The following MICOS10 variants were observed in gnomAD, a reference collection of about 807,000 sequenced individuals.
The protein encoded by MICOS10 is mitochondrial contact site and cristae organizing system subunit 10.
In MICOS10, 5 loss-of-function variants were observed where a neutral mutation model predicts 13.4. The observed-to-expected ratio is 0.37, with a 90% CI of 0.20 to 0.78. The LOEUF (loss-of-function observed/expected upper bound fraction) is 0.78, where lower values mean the gene tolerates loss of function less well. Ranked by LOEUF, MICOS10 falls within the 30% of genes least tolerant of loss-of-function variation. MICOS10 has a pLI of 0.47. For missense variants in MICOS10, 101 were observed against 94.6 expected, an observed-to-expected ratio of 1.07 and a Z score of -0.28; for synonymous variants, 35 against 33.6, an observed-to-expected ratio of 1.04 and a Z score of -0.15.
intron 1 of MICOS10, chr1:19,597,820 T>TA (rs2094798783): frequency 2.0e-5 from 3 of 152,170 alleles, no homozygotes; most frequent in Non-Finnish European, 1.5e-5. Context: ...TTGTGCGAAA[T>TA]AATCTTTTTA....
At chr1:19,609,181 T>A (rs1403006747) in intron 1 of MICOS10, among the ~76,000 whole-genome samples, 1 of 151,944 alleles carries the variant, frequency 6.6e-6, no homozygotes, top group Admixed American at 6.6e-5. Context: ...AAAATTTTTT[T>A]TTTAATCATA....
intron 1 of MICOS10, among the ~76,000 whole-genome samples, chr1:19,603,499 C>T (rs2094823566): frequency 6.6e-6 from 1 of 152,160 alleles, no homozygotes; most frequent in South Asian, 2.1e-4. Context: ...ATGGATTTGC[C>T]AGAGGACGCT....
At chr1:19,611,172 A>G (rs1737419) in intron 1 of MICOS10, among the ~76,000 whole-genome samples, 16,589 of 151,852 alleles carry the variant, frequency 0.11, 3,072 homozygotes, top group African/African-American at 0.38. Context: ...GGCTGGTCTC[A>G]AACTCCTGAC....
chr1:19,606,822 A>G (rs2094836695), intron 1 of MICOS10, among the ~76,000 whole-genome samples: 1 of 152,224 alleles, frequency 6.6e-6, no homozygotes, highest in African/African-American at 2.4e-5. Flanking sequence ...ATTAAAGTTA[A>G]CCAGCAGATT....
rs2094794483 is a variant in MICOS10, at chr1:19,597,094, G to A, written c.49G>A (p.Ala17Thr). ...GAAGTGGGACCGGTGTCTGGCGGATGCGGTCGTGAAGATAGGTAAGGGGCT... is the reference window on the plus strand; with the variant it reads ...GAAGTGGGACCGGTGTCTGGCGGATACGGTCGTGAAGATAGGTAAGGGGCT... ...GRKWDRCLAD[A>T]VVKIGTGFGL... is the part of the protein sequence containing the mutation. Residue 17 changes from alanine to threonine, a missense_variant, in exon 1 of 4, where the codon GCG becomes ACG. Physicochemically the swap from Ala to Thr is moderately conservative, Grantham distance 58. Coordinates refer to ENST00000322753, the MANE Select transcript of MICOS10 (RefSeq NM_001032363.4). The A allele has an allele frequency of 6.2e-7, 1 of 1,601,314 alleles. No individual in the cohort carries two copies. Among genetic ancestry groups the A allele is most frequent in the South Asian group, 1.1e-5 (1 of 89,888 alleles).
chr1:19,610,623 T>C (rs1352548442), intron 1 of MICOS10, among the ~76,000 whole-genome samples: 2 of 152,008 alleles, frequency 1.3e-5, no homozygotes, highest in Admixed American at 6.6e-5. Context: ...TTCAATTTTC[T>C]TTATCCAATC....
chr1:19,609,210 A>G (rs1235646706), intron 1 of MICOS10, among the ~76,000 whole-genome samples: 1 of 152,064 alleles, frequency 6.6e-6, no homozygotes, highest in East Asian at 1.9e-4. Context: ...ACACATGGGT[A>G]AAATTATACC....
intron 3 of MICOS10, among the ~76,000 whole-genome samples, chr1:19,625,050 C>A (rs2094917242): frequency 6.6e-6 from 1 of 152,166 alleles, no homozygotes. Context: ...TAGGTGCAAG[C>A]CTGTCACTTG....
chr1:19,612,109 C>A (rs1011689746), intron 1 of MICOS10, among the ~76,000 whole-genome samples: 2 of 151,452 alleles, frequency 1.3e-5, no homozygotes, highest in Non-Finnish European at 2.9e-5. Context: ...GTGGCGCGAT[C>A]TCCACTCACT....
chr1:19,608,242 T>TG, intron 1 of MICOS10: 1 of 1,427,004 alleles, frequency 7.0e-7, no homozygotes. Flanking sequence ...CTTTTGTCCA[T>TG]GTCACGGATC....
In MICOS10 at chr1:19,597,030, G is replaced by GGC. The variant is rs776363882; in HGVS notation, c.-12_-11dup. The stretch of plus-strand genomic sequence containing the variant: ...GGGGCCGGCCGAGAGGAAAGCTGGA[G>GGC]GCGCGGGTGGGGAACATGTCTGAGT... On this transcript the variant is annotated 5_prime_UTR_variant, in exon 1 of 4. Transcript: ENST00000322753. 36 of 1,580,000 alleles carry GGC rather than the reference G, an allele frequency of 2.3e-5. No individual in the cohort carries two copies. Among genetic ancestry groups the GGC allele is most frequent in the Non-Finnish European group, 8.6e-7 (1 of 1,166,642 alleles).
chr1:19,623,800 T>C (rs180836692), intron 3 of MICOS10: 12 of 444,812 alleles, frequency 2.7e-5, no homozygotes, highest in Non-Finnish European at 4.0e-5. Context: ...TTCAGATATA[T>C]ACTCATGTGC....
At chr1:19,600,818 T>G in intron 1 of MICOS10, 1 of 1,059,096 alleles carries the variant, frequency 9.4e-7, no homozygotes, top group South Asian at 1.3e-5. Context: ...CCCAGGCTGG[T>G]CTTGAACTCA....
chr1:19,607,056 A>G (rs998209577), intron 1 of MICOS10, among the ~76,000 whole-genome samples: 2 of 152,354 alleles, frequency 1.3e-5, no homozygotes, highest in African/African-American at 4.8e-5. Flanking sequence ...ATACCTCTCT[A>G]TTTCATGGAG....
Position 19,628,020 on chromosome 1 carries a change from T to C in MICOS10, c.*1619T>C, listed in dbSNP as rs1478758029. 6.6e-6 allele frequency: 1 copy of C among 152,242 alleles called. No homozygotes were observed. Among genetic ancestry groups the C allele is most frequent in the African/African-American group, 2.4e-5 (1 of 41,468 alleles). 9.4% of individuals were successfully genotyped at this position (152,242 alleles called of 1,614,324 possible). A position where few individuals can be genotyped will look rare whatever the true frequency, so the allele number is the denominator to read the frequency against. ...CATTCTATGATTAAGGCAACCCATA[T>C]AATTGAAAGAAAAATAATGTGCAGC... On this transcript the variant is annotated 3_prime_UTR_variant, in exon 4 of 4. Transcript: ENST00000322753.
intron 1 of MICOS10, among the ~76,000 whole-genome samples, chr1:19,610,489 C>A (rs1237488389): frequency 6.9e-6 from 1 of 145,468 alleles, no homozygotes; most frequent in African/African-American, 2.5e-5. Context: ...AGCGATCTTG[C>A]TGCCTCAGCC....
At chr1:19,609,185 A>G (rs1319517664) in intron 1 of MICOS10, among the ~76,000 whole-genome samples, 7 of 151,568 alleles carry the variant, frequency 4.6e-5, no homozygotes, top group Non-Finnish European at 1.0e-4. Flanking sequence ...TTTTTTTTTT[A>G]ATCATAGGAA....
At chr1:19,608,378 G>A (rs757095218) in intron 1 of MICOS10, 28 of 1,252,646 alleles carry the variant, frequency 2.2e-5, no homozygotes, top group African/African-American at 4.4e-5. Flanking sequence ...CAAGGAGCTG[G>A]GTATCATTGC....
At chr1:19,608,096 T>C (rs774618005) in intron 1 of MICOS10, 7 of 913,700 alleles carry the variant, frequency 7.7e-6, no homozygotes, top group South Asian at 1.3e-5. Flanking sequence ...GTGTGGAGTC[T>C]GGAGACGACG....
Sources: allele counts gnomAD v4.1 joint callset (sites outside exome capture counted in the v4.1 genomes callset), GRCh38; gene constraint gnomAD v4.1.1; transcripts MANE v1.5; gene names NCBI Gene and HGNC (gene_info 2026-07-23, HGNC 2026-07-21).